The following TTC23 variants were observed in gnomAD, a reference collection of about 807,000 sequenced individuals.
The protein encoded by TTC23 is tetratricopeptide repeat domain 23.
TTC23 carries 58 observed loss-of-function variants against 55.1 expected under a neutral mutation model. The ratio of observed to expected loss-of-function variants is 1.05; its 90% CI spans 0.85 to 1.31. TTC23 has a LOEUF of 1.31. Ranked by LOEUF, TTC23 falls within the 50% of genes most tolerant of loss-of-function variation. TTC23 has a pLI of 0.00. For missense variants in TTC23, 516 were observed against 534.4 expected, an observed-to-expected ratio of 0.97 and a Z score of 0.34; for synonymous variants, 203 against 199.9, an observed-to-expected ratio of 1.02 and a Z score of -0.13.
At chr15:99,190,788 A>ATT (rs891226594) in intron 9 of TTC23, among the ~76,000 whole-genome samples, 2 of 149,976 alleles carry the variant, frequency 1.3e-5, no homozygotes, top group African/African-American at 4.9e-5. Context: ...ATGTCTTTTT[A>ATT]TTTTTTTTTG....
intron 12 of TTC23, among the ~76,000 whole-genome samples, chr15:99,153,702 A>G (rs1381137142): frequency 2.6e-5 from 4 of 152,242 alleles, no homozygotes; most frequent in Non-Finnish European, 5.9e-5. Flanking sequence ...TCATAAACAC[A>G]GAAAAAAATT....
chr15:99,176,387 G>A (rs1191986613), intron 9 of TTC23, among the ~76,000 whole-genome samples: 1 of 152,168 alleles, frequency 6.6e-6, no homozygotes, highest in East Asian at 1.9e-4. Flanking sequence ...TGAGGCTGGA[G>A]ATTGCTAGAG....
intron 12 of TTC23, among the ~76,000 whole-genome samples, chr15:99,154,115 C>A (rs1408268126): frequency 6.6e-6 from 1 of 152,158 alleles, no homozygotes; most frequent in Non-Finnish European, 1.5e-5. Context: ...AAAGAAGCAG[C>A]AGGTCTAAAG....
At chr15:99,139,946 T>C (rs948657414) in intron 12 of TTC23, 2 of 337,998 alleles carry the variant, frequency 5.9e-6, no homozygotes, top group Non-Finnish European at 5.6e-6. Context: ...ATTTGATTGC[T>C]TGTAGTAGGC....
chr15:99,225,373 A>T (rs1400430410), intron 5 of TTC23, among the ~76,000 whole-genome samples: 2 of 152,172 alleles, frequency 1.3e-5, no homozygotes, highest in African/African-American at 4.8e-5. Context: ...GAACCTTGGA[A>T]ATCATCTCAC....
At chr15:99,156,122 C>A (rs767409478) in intron 12 of TTC23, 26 bp downstream of exon 12, 14 of 1,613,960 alleles carry the variant, frequency 8.7e-6, no homozygotes, top group Non-Finnish European at 1.0e-5. Flanking sequence ...AGCCTAGTCT[C>A]GTGTTAGTAC....
chr15:99,187,771 A>T (rs1049438045), intron 9 of TTC23, among the ~76,000 whole-genome samples: 4 of 152,210 alleles, frequency 2.6e-5, no homozygotes, highest in Admixed American at 6.5e-5. Context: ...GGGAAATTCA[A>T]ATAAAAAGCC....
intron 9 of TTC23, among the ~76,000 whole-genome samples, chr15:99,175,892 G>T (rs1166673846): frequency 2.0e-5 from 3 of 152,160 alleles, no homozygotes; most frequent in Non-Finnish European, 4.4e-5. Flanking sequence ...CTATTTGGAA[G>T]GCTGAGGCAC....
At chr15:99,190,144 C>T (rs1295923847) in intron 9 of TTC23, among the ~76,000 whole-genome samples, 1 of 151,780 alleles carries the variant, frequency 6.6e-6, no homozygotes, top group African/African-American at 2.4e-5. Flanking sequence ...TGCGCCGCTA[C>T]ACTCCAGCCT....
chr15:99,152,756 C>A (rs564756408), intron 12 of TTC23, among the ~76,000 whole-genome samples: 1 of 152,064 alleles, frequency 6.6e-6, no homozygotes, highest in Non-Finnish European at 1.5e-5. Context: ...TTAATATACA[C>A]GAATCACTTA....
intron 9 of TTC23, among the ~76,000 whole-genome samples, chr15:99,182,246 T>TCACACACACACA (rs757303435): frequency 9.8e-5 from 11 of 112,812 alleles, no homozygotes; most frequent in Admixed American, 6.1e-4. Flanking sequence ...TCTCTCTCTC[T>TCACACACACACA]CTCACACACA....
chr15:99,137,806 G>GT lies in TTC23; in HGVS notation c.*203_*204insA. 2.6e-6 allele frequency: 2 copies of GT among 759,274 alleles called. No individual in the cohort carries two copies. Among genetic ancestry groups the GT allele is most frequent in the Non-Finnish European group, 4.1e-6 (2 of 492,048 alleles). The allele number at this position is 759,274 out of a possible 1,614,324, so 47.0% of individuals were successfully genotyped here. On this transcript the variant is annotated 3_prime_UTR_variant, in exon 14 of 14. Transcript: ENST00000394132. ...TTAGGTGATAGAAAACTGCTTTATA[G>GT]CATATATCACCCTGAAGGGCATCCA...
intron 10 of TTC23, among the ~76,000 whole-genome samples, chr15:99,165,668 A>G (rs925943390): frequency 2.0e-5 from 3 of 152,064 alleles, no homozygotes; most frequent in African/African-American, 4.8e-5. Context: ...AGCACTCCTC[A>G]GAAGGTTTTG....
At chr15:99,210,342 T>C (rs1368236468) in intron 8 of TTC23, among the ~76,000 whole-genome samples, 2 of 152,150 alleles carry the variant, frequency 1.3e-5, no homozygotes, top group Admixed American at 6.5e-5. Context: ...TTTCTTTGGC[T>C]TCCCCACATT....
At chr15:99,183,325 CTT>C (rs1256593678) in intron 9 of TTC23, among the ~76,000 whole-genome samples, 21 of 140,106 alleles carry the variant, frequency 1.5e-4, no homozygotes, top group Non-Finnish European at 1.6e-4. Context: ...TCTTTCTTTT[CTT>C]TTTTTTTTTT....
chr15:99,170,641 T>C (rs145637038), intron 10 of TTC23, among the ~76,000 whole-genome samples: 76 of 152,340 alleles, frequency 5.0e-4, no homozygotes, highest in African/African-American at 1.3e-3. Context: ...CAAAGATACG[T>C]TGCAAATTGC....
intron 4 of TTC23, among the ~76,000 whole-genome samples, chr15:99,233,682 C>G (rs1002957547): frequency 6.6e-6 from 1 of 152,072 alleles, no homozygotes; most frequent in Non-Finnish European, 1.5e-5. Context: ...CGATCAGAAA[C>G]AAGACAAGAA....
chr15:99,178,200 TG>T (rs2073785908), intron 9 of TTC23, among the ~76,000 whole-genome samples: 1 of 152,058 alleles, frequency 6.6e-6, no homozygotes, highest in Admixed American at 6.6e-5. Context: ...AAAAAGAAAG[TG>T]GGTCCTGAAA....
intron 1 of TTC23, among the ~76,000 whole-genome samples, chr15:99,248,547 AC>A (rs1268643234): frequency 6.6e-6 from 1 of 152,118 alleles, no homozygotes; most frequent in African/African-American, 2.4e-5. Flanking sequence ...ATTGAGTCTT[AC>A]CCATACTGTG....
Sources: gnomAD v4.1 joint callset for allele counts (sites outside exome capture counted in the v4.1 genomes callset) on GRCh38, gnomAD v4.1.1 for gene constraint, MANE v1.5 for transcripts, NCBI Gene and HGNC (gene_info 2026-07-23, HGNC 2026-07-21) for gene names.